PTCH1: variants seen among roughly 807,000 people sequenced by gnomAD.
PTCH1 encodes patched 1, also known as protein patched homolog 1.
A neutral mutation model predicts 144.6 loss-of-function variants in PTCH1; 14 were observed. The observed-to-expected ratio is 0.10, with a 90% CI of 0.06 to 0.15. The LOEUF (loss-of-function observed/expected upper bound fraction) is 0.15. PTCH1 is among the 10% of genes least tolerant of loss of function. PTCH1 has a pLI of 1.00. For synonymous variants in PTCH1, 833 were observed against 793.6 expected, an observed-to-expected ratio of 1.05 and a Z score of -0.83; for missense variants, 1,623 against 1,948.3, an observed-to-expected ratio of 0.83 and a Z score of 3.14.
At chr9:95,515,287 C>G (rs892700928) in intron 1 of PTCH1, among the ~76,000 whole-genome samples, 3 of 152,208 alleles carry the variant, frequency 2.0e-5, no homozygotes, top group African/African-American at 7.2e-5. Flanking sequence ...ATCCAATTAT[C>G]AAATATTTAG....
chr9:95,516,865 C>T lies in PTCH1; in HGVS notation c.-394G>A, dbSNP rs1229787121. Reference sequence around the variant, plus strand: ...CTGCCGCGCCATAGGCAGGACCTGTCAGGGTCACGTGACGGATCCGAAAAC... The same window carrying T: ...CTGCCGCGCCATAGGCAGGACCTGTTAGGGTCACGTGACGGATCCGAAAAC... On this transcript the variant is annotated 5_prime_UTR_variant, in exon 1 of 23. Coordinates refer to the PTCH1 transcript ENST00000430669. The T allele has an allele frequency of 2.0e-6, 3 of 1,517,704 alleles. No individual in the cohort carries two copies. Among genetic ancestry groups the T allele is most frequent in the Non-Finnish European group, 1.8e-6 (2 of 1,120,440 alleles). 94.0% of individuals were successfully genotyped at this position (1,517,704 alleles called of 1,614,324 possible).
intron 15 of PTCH1, among the ~76,000 whole-genome samples, chr9:95,464,300 A>C (rs1839808062): frequency 6.6e-6 from 1 of 152,250 alleles, no homozygotes. Flanking sequence ...ACAAGGGATA[A>C]GGTTGGGTTT....
rs757579309 is a variant in PTCH1 at position 95,479,978 on chromosome 9, T to C, written c.1058A>G (p.Lys353Arg). 1.6e-5 allele frequency: 26 copies of C among 1,614,102 alleles called. No individual in the cohort carries two copies. In the East Asian group the frequency reaches 4.5e-4, roughly 28 times the overall value. The change falls in exon 7 of 24, where the codon AAA becomes AGA. Residue 353 changes from lysine (K) to arginine (R), a missense_variant. By Grantham distance (26) the Lys-to-Arg change is conservative. Transcript: ENST00000331920. ...VGGTVKNSTG[K>R]LVSAHALQTM... ...TCGGGAGCTGGCTTACCTGACGAGT[T>C]TTCCAGTGCTGTTCTTGACTGTGCC...
chr9:95,446,176 C>T lies in PTCH1; in HGVS notation c.*217G>A, dbSNP rs914246126. ...AGAAGCCCCAGATCATACCACTTTA[C>T]ATCCTTCCTTCCTATATTACACATG... On this transcript the variant is annotated 3_prime_UTR_variant, in exon 24 of 24. Coordinates refer to ENST00000331920, the MANE Select transcript of PTCH1 (RefSeq NM_000264.5). 2.3e-5 allele frequency: 8 copies of T among 342,206 alleles called. No homozygotes were observed. Among genetic ancestry groups the T allele is most frequent in the African/African-American group, 4.3e-5 (2 of 46,692 alleles). The allele number at this position is 342,206 out of a possible 1,614,324, so 21.2% of individuals were successfully genotyped here.
upstream of PTCH1, among the ~76,000 whole-genome samples, chr9:95,510,013 A>AC (rs1844065430): frequency 1.3e-5 from 2 of 151,938 alleles, no homozygotes; most frequent in Non-Finnish European, 2.9e-5. Context: ...AAAAAAAAAA[A>AC]AAACACAGTC....
chr9:95,498,459 T>A (rs1842930658), intron 2 of PTCH1, among the ~76,000 whole-genome samples: 1 of 152,204 alleles, frequency 6.6e-6, no homozygotes. Context: ...GACAGCTGTT[T>A]TTCCAGCCAT....
intron 19 of PTCH1, among the ~76,000 whole-genome samples, chr9:95,455,683 T>TA (rs879679816): frequency 9.8e-5 from 15 of 152,318 alleles, no homozygotes; most frequent in Middle Eastern, 3.4e-3. Flanking sequence ...CTGGTTCTCT[T>TA]ACTTTCTGCT....
chr9:95,478,128 G>A lies in PTCH1; in HGVS notation c.1274C>T (p.Thr425Met), dbSNP rs768956985. The change falls in exon 9 of 24, where the codon ACG becomes ATG. Residue 425 changes from threonine (T) to methionine (M), a missense_variant. By Grantham distance (81) the Thr-to-Met change is moderately conservative. This residue lies in a region of PTCH1 where 230 missense variants were observed against 271.0 expected (regional missense o/e 0.85). Transcript: ENST00000331920. ...GGATTTCAGGATGTCGTCCAGGGTC[G>A]TGGTGGTGAAGGAAAGCACCTTTTG... is the stretch of plus-strand genomic sequence containing the variant. ...STQKVLSFTT[T>M]TLDDILKSFS... 5.6e-6 allele frequency: 9 copies of A among 1,614,178 alleles called. No individual in the cohort carries two copies. The highest frequency in any genetic ancestry group is 2.2e-5 in the East Asian group (1 of 44,878).
chr9:95,511,844 AG>A (rs553253958), upstream of PTCH1, among the ~76,000 whole-genome samples: 1 of 152,102 alleles, frequency 6.6e-6, no homozygotes, highest in African/African-American at 2.4e-5. Context: ...AAACTGGGGG[AG>A]GGGGGTAGTA....
upstream of PTCH1, among the ~76,000 whole-genome samples, chr9:95,510,443 AAC>A (rs1020903334): frequency 7.2e-5 from 11 of 152,204 alleles, no homozygotes; most frequent in African/African-American, 1.7e-4. Flanking sequence ...GGAGGGGGAA[AAC>A]ACGCGACCCT....
rs138566532 is a variant in PTCH1, at chr9:95,463,425, T to C, written c.2561-1427A>G. Among the ~76,000 whole-genome samples the C allele has an allele frequency of 3.1e-3, 473 of 152,056 alleles. 1 individual carries two copies. Among genetic ancestry groups the C allele is most frequent in the Non-Finnish European group, 5.0e-3 (339 of 67,952 alleles). On this transcript the variant is annotated intron_variant, in intron 15 of 23. Coordinates refer to ENST00000331920, the MANE Select transcript of PTCH1 (RefSeq NM_000264.5). Reference sequence around the variant, plus strand: ...CCGTGCACCTCTCAGACAGACGGGTTTTCATAGGGAGGCATGCACACACAG... The same window carrying C: ...CCGTGCACCTCTCAGACAGACGGGTCTTCATAGGGAGGCATGCACACACAG...
chr9:95,514,621 G>GGGGTGT (rs373411451), intron 1 of PTCH1: 1 of 148,564 alleles, frequency 6.7e-6, no homozygotes, highest in African/African-American at 2.5e-5. Context: ...GAAAATAAAA[G>GGGGTGT]GTGTGTGTGT....
rs1236910167 is a variant in PTCH1, at chr9:95,445,726, G to C, written c.*667C>G. ...CAGACAGTGTAGAGAAACAAAACAA[G>C]ACAAAAAAAAAATCACAGTACAGTA... is the stretch of plus-strand genomic sequence containing the variant. On this transcript the variant is annotated 3_prime_UTR_variant, in exon 24 of 24. Coordinates refer to ENST00000331920, the MANE Select transcript of PTCH1 (RefSeq NM_000264.5). 6.9e-6 allele frequency: 1 copy of C among 144,648 alleles called. No individual in the cohort carries two copies. The highest frequency in any genetic ancestry group is 1.9e-4 in the East Asian group (1 of 5,148). 9.0% of individuals were successfully genotyped at this position (144,648 alleles called of 1,614,324 possible).
intron 12 of PTCH1, among the ~76,000 whole-genome samples, chr9:95,471,402 A>T (rs529555564): frequency 7.9e-5 from 12 of 152,344 alleles, no homozygotes; most frequent in Admixed American, 7.8e-4. Flanking sequence ...TCATCAACTG[A>T]AAAATATGAA....
intron 20 of PTCH1, chr9:95,451,084 T>C (rs931812259): frequency 3.3e-5 from 5 of 152,184 alleles, no homozygotes; most frequent in African/African-American, 1.2e-4. Flanking sequence ...CATGTCTATA[T>C]ATGTTTTGAC....
At chr9:95,447,728 C>T (rs1838087673) in intron 22 of PTCH1, among the ~76,000 whole-genome samples, 1 of 152,234 alleles carries the variant, frequency 6.6e-6, no homozygotes, top group African/African-American at 2.4e-5. Context: ...GTGGTCAGAG[C>T]ATCCAAGCTG....
chr9:95,486,838 G>T (rs1468221917), intron 2 of PTCH1, among the ~76,000 whole-genome samples: 1 of 152,218 alleles, frequency 6.6e-6, no homozygotes, highest in African/African-American at 2.4e-5. Flanking sequence ...AGGTGTCTCA[G>T]GGAGATACTA....
rs1841051238 is a variant in PTCH1 at position 95,476,542 on chromosome 9, T to TA, written c.1602+216dup. ...ACATTAAAACAAACACCCGTATTCC[T>TA]AAAGGCACCCGAGATGCAGCTCTTG... On this transcript the variant is annotated intron_variant, in intron 11 of 23. Transcript: ENST00000331920. This position sits in a 1 kb window ranked among gnomAD's most constrained non-coding sequence, Gnocchi z 4.6. Among the ~76,000 whole-genome samples, 1 of 152,158 alleles carries TA rather than the reference T, an allele frequency of 6.6e-6. No individual in the cohort carries two copies. Among genetic ancestry groups the TA allele is most frequent in the South Asian group, 2.1e-4 (1 of 4,824 alleles).
intron 16 of PTCH1, among the ~76,000 whole-genome samples, chr9:95,460,939 A>G (rs1363638399): frequency 6.6e-6 from 1 of 152,146 alleles, no homozygotes; most frequent in Non-Finnish European, 1.5e-5. Context: ...ACACTCCATA[A>G]CAACTCTGAA....
Sources: gnomAD v4.1 joint callset for allele counts (sites outside exome capture counted in the v4.1 genomes callset) on GRCh38, gnomAD v4.1.1 for gene constraint, gnomAD v4.1.1 regional missense constraint, Gnocchi (gnomAD v3.1) non-coding constraint, MANE v1.5 for transcripts, NCBI Gene and HGNC (gene_info 2026-07-23, HGNC 2026-07-21) for gene names.